DNAI4: variants seen among roughly 807,000 people sequenced by gnomAD.
The protein encoded by DNAI4 is WD repeat domain 78.
DNAI4 carries 85 observed loss-of-function variants against 105.8 expected under a neutral mutation model. The ratio of observed to expected loss-of-function variants is 0.80; its 90% CI spans 0.67 to 0.96. The LOEUF (loss-of-function observed/expected upper bound fraction) is 0.96, where lower values mean the gene tolerates loss of function less well. Ranked by LOEUF, DNAI4 falls within the 40% of genes least tolerant of loss-of-function variation. DNAI4 has a pLI of 0.00. For synonymous variants in DNAI4, 352 were observed against 331.5 expected (o/e 1.06, Z -0.67); for missense variants, 1,014 against 1,005.6 (o/e 1.01, Z -0.11).
chr1:66,826,726 A>G (rs1645761724), intron 15 of DNAI4, 94 bp downstream of exon 15: 3 of 1,076,998 alleles, frequency 2.8e-6, no homozygotes, highest in Middle Eastern at 4.5e-4. Flanking sequence ...TTTTAAAGTA[A>G]CTACAATACC....
At chr1:66,908,455 G>A (rs1312815337) in intron 1 of DNAI4, among the ~76,000 whole-genome samples, 2 of 152,166 alleles carry the variant, frequency 1.3e-5, no homozygotes, top group Admixed American at 6.5e-5. Context: ...GGCAGCTCCT[G>A]TGCCCCAGAA....
rs1206934682 is a variant in DNAI4 at position 66,878,843 on chromosome 1, T to C, written c.644-3906A>G. Among the ~76,000 whole-genome samples, 4 of 152,302 alleles carry C rather than the reference T, an allele frequency of 2.6e-5. No individual in the cohort carries two copies. In the East Asian group the frequency reaches 7.7e-4, roughly 29 times the overall value. On this transcript the variant is annotated intron_variant, in intron 4 of 16. Coordinates refer to ENST00000371026, the MANE Select transcript of DNAI4 (RefSeq NM_024763.5). ...ACCCCCATGGGAAGTGACTATAAAC[T>C]AGAGTGTTTATTTGCAGTTCCTTTT...
rs1646927391 is a variant in DNAI4 at position 66,874,828 on chromosome 1, C to A, written c.753G>T (p.Leu251Phe). ...TETETLRFFD[L>F]PTVMVSVESE... is the part of the protein sequence containing the mutation. ...ATTCTACAGAGACCATGACTGTGGG[C>A]AAGTCAAAAAATCTCAGTGTTTCTG... is the stretch of plus-strand genomic sequence containing the variant. The change falls in exon 5 of 17, where the codon TTG becomes TTT. Residue 251 changes from leucine to phenylalanine, a missense_variant. By Grantham distance (22) the Leu-to-Phe change is conservative. Transcript: ENST00000371026. 1 of 1,613,490 alleles carries A rather than the reference C, an allele frequency of 6.2e-7. No individual in the cohort carries two copies. The highest frequency in any genetic ancestry group is 8.5e-7 in the Non-Finnish European group (1 of 1,179,748).
In DNAI4 at chr1:66,924,514, G is replaced by C. The variant is rs995808385; in HGVS notation, c.170+148C>G. 4 of 1,086,546 alleles carry C rather than the reference G, an allele frequency of 3.7e-6. No homozygotes were observed. The African/African-American group carries it at 6.4e-5, about 17-fold the overall frequency. 67.3% of individuals were successfully genotyped at this position (1,086,546 alleles called of 1,614,324 possible). ...AAGACTGCGGTAGGTCGATAAAGGA[G>C]ACATTGTGGCCTAGGAGCTTCAAGG... is the stretch of plus-strand genomic sequence containing the variant. On this transcript the variant is annotated intron_variant, in intron 1 of 16. Transcript: ENST00000371026.
In DNAI4 at chr1:66,862,170, A is replaced by G; in HGVS notation, c.1073T>C (p.Leu358Ser). ...ACTTTTTTCTGTAGTGCTCCCTGGC[A>G]ATCTTTGGTCCTGATCTTTAGGAAG... is the stretch of plus-strand genomic sequence containing the variant. Reference protein sequence around the residue: ...NVLPKDQDQRLPGSTTEKNSE... With the variant: ...NVLPKDQDQRSPGSTTEKNSE... The change falls in exon 7 of 17, where the codon TTG becomes TCG. Residue 358 changes from leucine (L) to serine (S), a missense_variant. Coordinates refer to ENST00000371026, the MANE Select transcript of DNAI4 (RefSeq NM_024763.5). 1 of 1,585,272 alleles carries G rather than the reference A, an allele frequency of 6.3e-7. No individual in the cohort carries two copies. Among genetic ancestry groups the G allele is most frequent in the Admixed American group, 1.9e-5 (1 of 52,608 alleles).
intron 16 of DNAI4, among the ~76,000 whole-genome samples, chr1:66,822,047 T>A (rs1284083769): frequency 6.6e-6 from 1 of 152,174 alleles, no homozygotes; most frequent in Non-Finnish European, 1.5e-5. Context: ...TAAACTTCTT[T>A]GAATATCTTT....
chr1:66,884,979 T>G (rs1363817923), intron 4 of DNAI4, among the ~76,000 whole-genome samples: 1 of 152,252 alleles, frequency 6.6e-6, no homozygotes, highest in Admixed American at 6.5e-5. Flanking sequence ...TTTGGTGTTA[T>G]AAATTTCCCT....
chr1:66,859,204 A>G (rs987348820), intron 7 of DNAI4, among the ~76,000 whole-genome samples: 57 of 152,348 alleles, frequency 3.7e-4, no homozygotes, highest in Admixed American at 3.3e-3. Flanking sequence ...AAAGATATAA[A>G]GATGCTCAAT....
At position 66,822,414 on chromosome 1, in the gene DNAI4, G is replaced by C; in HGVS notation, c.2443C>G (p.Gln815Glu). Residue 815 changes from glutamine to glutamate, a missense_variant, in exon 16 of 17, where the codon CAG (glutamine) becomes GAG (glutamate). By Grantham distance (29) the Gln-to-Glu change is conservative. Coordinates refer to ENST00000371026, the MANE Select transcript of DNAI4 (RefSeq NM_024763.5). ...TTTCTCAGTTCATACACAGAAACCT[G>C]TCCATCACTGTCTCCTACCAGAAGG... Reference protein sequence around the residue: ...DCLLVGDSDGQVSVYELRNMP... With the variant: ...DCLLVGDSDGEVSVYELRNMP... 1.9e-6 allele frequency: 3 copies of C among 1,613,326 alleles called. No individual in the cohort carries two copies. Among genetic ancestry groups the C allele is most frequent in the Non-Finnish European group, 2.5e-6 (3 of 1,179,704 alleles).
intron 7 of DNAI4, among the ~76,000 whole-genome samples, chr1:66,855,187 C>A (rs1646475633): frequency 6.6e-6 from 1 of 152,200 alleles, no homozygotes; most frequent in African/African-American, 2.4e-5. Context: ...ACCCCAGAAC[C>A]CACTGAAATT....
At chr1:66,855,901 C>A (rs1343126734) in intron 7 of DNAI4, among the ~76,000 whole-genome samples, 1 of 152,114 alleles carries the variant, frequency 6.6e-6, no homozygotes, top group Non-Finnish European at 1.5e-5. Flanking sequence ...ATGGCGCAAT[C>A]TGGGCTCACT....
rs201489764 is a variant in DNAI4, at chr1:66,837,747, C to G, written c.1544G>C (p.Arg515Thr). The change falls in exon 10 of 17, where the codon AGA (arginine) becomes ACA (threonine). Residue 515 changes from arginine to threonine, a missense_variant. Transcript: ENST00000371026. ...TATTGACCAGCAGCAAGCCAGTCCTCTTTTTTGCTCTTTAAATCCAAAGTG... is the reference window on the plus strand; with the variant it reads ...TATTGACCAGCAGCAAGCCAGTCCTGTTTTTTGCTCTTTAAATCCAAAGTG... The part of the protein sequence containing the change: ...YGHFGFKEQK[R>T]GLACCWSIKN... 57 of 1,609,810 alleles carry G rather than the reference C, an allele frequency of 3.5e-5. No individual in the cohort carries two copies. Among genetic ancestry groups the G allele is most frequent in the Non-Finnish European group, 4.8e-5 (57 of 1,178,550 alleles).
chr1:66,913,657 A>G (rs1264226414), intron 1 of DNAI4, among the ~76,000 whole-genome samples: 2 of 152,192 alleles, frequency 1.3e-5, no homozygotes. Flanking sequence ...CTCTGAGGTC[A>G]CAGACCTCTG....
intron 16 of DNAI4, among the ~76,000 whole-genome samples, chr1:66,814,714 A>G (rs906633242): frequency 2.6e-5 from 4 of 152,340 alleles, no homozygotes; most frequent in Middle Eastern, 3.4e-3. Context: ...ATAAAGATTC[A>G]GTAAGAAGAA....
chr1:66,924,038 G>C (rs1650860259), intron 1 of DNAI4, among the ~76,000 whole-genome samples: 1 of 152,222 alleles, frequency 6.6e-6, no homozygotes, highest in Non-Finnish European at 1.5e-5. Flanking sequence ...CACAGAAGCT[G>C]AGGCTCTTGA....
At chr1:66,888,868 C>T (rs949188729) in intron 4 of DNAI4, among the ~76,000 whole-genome samples, 1 of 152,166 alleles carries the variant, frequency 6.6e-6, no homozygotes, top group Non-Finnish European at 1.5e-5. Context: ...AAGATTTAGT[C>T]TTTATGCTAA....
intron 6 of DNAI4, 115 bp downstream of exon 6, chr1:66,871,254 TG>T: frequency 1.1e-6 from 1 of 918,396 alleles, no homozygotes; most frequent in Non-Finnish European, 1.6e-6. Context: ...TGTTGTGGTT[TG>T]GCCAAATTAT....
chr1:66,923,719 T>C (rs546933257), intron 1 of DNAI4, among the ~76,000 whole-genome samples: 2 of 152,128 alleles, frequency 1.3e-5, no homozygotes, highest in Non-Finnish European at 2.9e-5. Context: ...CAAGGTTCTC[T>C]CCCAAGAACT....
chr1:66,827,664 G>A (rs117515972), intron 14 of DNAI4, 148 bp downstream of exon 14: 4,453 of 404,320 alleles, frequency 0.011, 96 homozygotes, highest in East Asian at 0.047. Flanking sequence ...CATTATTGGT[G>A]GTTTCCATAG....
Sources: allele counts gnomAD v4.1 joint callset (sites outside exome capture counted in the v4.1 genomes callset), GRCh38; gene constraint gnomAD v4.1.1; transcripts MANE v1.5; gene names NCBI Gene and HGNC (gene_info 2026-07-23, HGNC 2026-07-21).